Variants in RDX observed in about 807,000 individuals in gnomAD.
RDX encodes radixin, also known as deafness, autosomal recessive 24.
RDX carries 32 observed loss-of-function variants against 83.7 expected under a neutral mutation model. That is an observed-to-expected ratio of 0.38 (90% confidence interval 0.29 to 0.51). RDX has a LOEUF of 0.51. RDX is among the 20% of genes least tolerant of loss of function. The pLI, the probability that RDX is intolerant of heterozygous loss-of-function variation, is 0.87. For missense variants in RDX, 600 were observed against 689.9 expected, an observed-to-expected ratio of 0.87 and a Z score of 1.46; for synonymous variants, 229 against 222.7, an observed-to-expected ratio of 1.03 and a Z score of -0.25.
intron 14 of RDX, among the ~76,000 whole-genome samples, chr11:110,206,891 G>A (rs1222630460): frequency 1.3e-5 from 2 of 152,332 alleles, no homozygotes; most frequent in Admixed American, 6.5e-5. Flanking sequence ...TTGGGTTGGA[G>A]TGAGACCCAA....
intron 14 of RDX, among the ~76,000 whole-genome samples, chr11:110,202,270 C>T (rs1406259299): frequency 2.6e-5 from 4 of 151,888 alleles, no homozygotes; most frequent in Non-Finnish European, 5.9e-5. Context: ...TGGCCTGCAC[C>T]TGTAGTCCCA....
rs61003001 is a variant in RDX, at chr11:110,279,761, T to TA, written c.-64-6dup. On this transcript the variant is annotated splice_polypyrimidine_tract_variant and splice_region_variant and intron_variant, in intron 1 of 13. Transcript: ENST00000645495. ...AATGAATTCTGTTATCACTTTCTGT[T>TA]AAAAAAAAAAAAGCATAATCTATTA... 6,766 of 759,652 alleles carry TA rather than the reference T, an allele frequency of 8.9e-3. 23 individuals carry two copies. Among genetic ancestry groups the TA allele is most frequent in the African/African-American group, 0.032 (1,768 of 55,524 alleles). The allele number at this position is 759,652 out of a possible 1,614,324, so 47.1% of individuals were successfully genotyped here. A position where few individuals can be genotyped will look rare whatever the true frequency, so the allele number is the denominator to read the frequency against.
chr11:110,179,315 C>T (rs915050930), intron 15 of RDX, among the ~76,000 whole-genome samples: 2 of 152,212 alleles, frequency 1.3e-5, no homozygotes, highest in African/African-American at 4.8e-5. Flanking sequence ...CAATGAACAC[C>T]ACGCCAGGAA....
intron 1 of RDX, among the ~76,000 whole-genome samples, chr11:110,281,938 CAAAAAAAAAAAA>C (rs750336725): frequency 1.1e-5 from 1 of 91,252 alleles, no homozygotes; most frequent in Non-Finnish European, 2.2e-5. Flanking sequence ...CCATCTCTAT[CAAAAAAAAAAAA>C]AAAAAAAACC....
chr11:110,220,699 T>A (rs537770508), intron 14 of RDX, among the ~76,000 whole-genome samples: 2 of 152,174 alleles, frequency 1.3e-5, no homozygotes, highest in East Asian at 3.9e-4. Flanking sequence ...GGTTCCACCA[T>A]GTTGGCCAGG....
rs891221314 is a variant in RDX at position 110,207,783 on chromosome 11, A to G, written c.1749-8105T>C. Among the ~76,000 whole-genome samples, 11 of 152,330 alleles carry G rather than the reference A, an allele frequency of 7.2e-5. No individual in the cohort carries two copies. In the South Asian group the frequency reaches 2.3e-3, roughly 32 times the overall value. Reference sequence around the variant, plus strand: ...AACAGCAGAGTTGTATAGCTGGGACAGAGACAACTGGCCTGCAAAGTCCAA... The same window carrying G: ...AACAGCAGAGTTGTATAGCTGGGACGGAGACAACTGGCCTGCAAAGTCCAA... On this transcript the variant is annotated intron_variant, in intron 14 of 15. Coordinates refer to the RDX transcript ENST00000528498.
chr11:110,271,173 G>C (rs1043591845), intron 3 of RDX, among the ~76,000 whole-genome samples: 2 of 152,158 alleles, frequency 1.3e-5, no homozygotes, highest in African/African-American at 4.8e-5. Context: ...TACCAAATCA[G>C]GAGATTAAGT....
At chr11:110,206,922 G>A (rs1863626561) in intron 14 of RDX, among the ~76,000 whole-genome samples, 1 of 152,094 alleles carries the variant, frequency 6.6e-6, no homozygotes, top group Non-Finnish European at 1.5e-5. Context: ...CTCAAAGTGT[G>A]GTCCCAAAAC....
rs1303370129 is a variant in RDX at position 110,247,629 on chromosome 11, AC to A, written c.1090+73del. 1.2e-5 allele frequency: 17 copies of A among 1,469,410 alleles called. No homozygotes were observed. In the African/African-American group the frequency reaches 1.8e-4, roughly 16 times the overall value. The allele number at this position is 1,469,410 out of a possible 1,614,324, so 91.0% of individuals were successfully genotyped here. On this transcript the variant is annotated intron_variant, in intron 10 of 13. Transcript: ENST00000645495. ...TATATAACAAATAAGGTTTAAGAGT[AC>A]TAAAAAAAATACCACTATCTGACAA...
intron 15 of RDX, among the ~76,000 whole-genome samples, chr11:110,184,390 T>C (rs17110941): frequency 0.054 from 8,211 of 152,288 alleles, 737 homozygotes; most frequent in African/African-American, 0.19. Context: ...TAAGAGGTCA[T>C]ATGTTCCTCC....
intron 2 of RDX, among the ~76,000 whole-genome samples, chr11:110,275,476 G>A (rs1860475129): frequency 6.6e-6 from 1 of 152,154 alleles, no homozygotes; most frequent in African/African-American, 2.4e-5. Context: ...CACTAAATTT[G>A]TGGTAATTTG....
intron 14 of RDX, among the ~76,000 whole-genome samples, chr11:110,202,220 C>T (rs1863435534): frequency 1.3e-5 from 2 of 151,870 alleles, no homozygotes; most frequent in Non-Finnish European, 1.5e-5. Flanking sequence ...CATGGGGAAA[C>T]GCCATCTCTA....
intron 15 of RDX, chr11:110,195,887 A>T (rs1302626173): frequency 6.6e-6 from 1 of 152,230 alleles, no homozygotes; most frequent in East Asian, 1.9e-4. Context: ...CTGGCTTGGG[A>T]CTGCAGGGTG....
intron 14 of RDX, among the ~76,000 whole-genome samples, chr11:110,215,991 ATCCCTGC>A (rs1864037945): frequency 6.6e-6 from 1 of 152,156 alleles, no homozygotes; most frequent in South Asian, 2.1e-4. Flanking sequence ...TGACACTTCC[ATCCCTGC>A]ACCTCTGTTC....
At chr11:110,265,249 C>T (rs111915421) in intron 3 of RDX, among the ~76,000 whole-genome samples, 60 of 151,794 alleles carry the variant, frequency 4.0e-4, no homozygotes, top group African/African-American at 1.4e-3. Context: ...CACTACCACG[C>T]CTAGCTAATT....
At chr11:110,282,769 A>G (rs903610462) in intron 1 of RDX, among the ~76,000 whole-genome samples, 3 of 152,230 alleles carry the variant, frequency 2.0e-5, no homozygotes, top group Non-Finnish European at 2.9e-5. Context: ...ACTTGAGGGC[A>G]GGAGTTCAAG....
chr11:110,274,489 C>T (rs1201452984), intron 2 of RDX, among the ~76,000 whole-genome samples: 2 of 152,148 alleles, frequency 1.3e-5, no homozygotes, highest in Admixed American at 1.3e-4. Context: ...GGTATATTCA[C>T]TTTACGAAAA....
chr11:110,280,406 G>A (rs1314482062), intron 1 of RDX, among the ~76,000 whole-genome samples: 1 of 152,108 alleles, frequency 6.6e-6, no homozygotes, highest in African/African-American at 2.4e-5. Context: ...AACATGCCCA[G>A]CTAGTTTTTT....
intron 14 of RDX, among the ~76,000 whole-genome samples, chr11:110,201,389 G>T (rs1362108697): frequency 6.6e-6 from 1 of 152,054 alleles, no homozygotes; most frequent in Non-Finnish European, 1.5e-5. Flanking sequence ...GGAGGATTTG[G>T]GAGTAAAGTT....
Sources: allele counts gnomAD v4.1 joint callset (sites outside exome capture counted in the v4.1 genomes callset), GRCh38; gene constraint gnomAD v4.1.1; transcripts MANE v1.5; gene names NCBI Gene and HGNC (gene_info 2026-07-23, HGNC 2026-07-21).